Variants in HYCC2 observed in about 807,000 individuals in gnomAD.
The protein encoded by HYCC2 is hyccin PI4KA lipid kinase complex subunit 2.
At chr2:201,036,110 A>G in the HYCC2 span, among the ~76,000 whole-genome samples, 1 of 152,176 alleles carries the variant, frequency 6.6e-6, no homozygotes, top group African/African-American at 2.4e-5. Flanking sequence ...GAATATTATA[A>G]ACACCTCTAC....
At chr2:200,998,102 T>C in the HYCC2 span, among the ~76,000 whole-genome samples, 1 of 152,222 alleles carries the variant, frequency 6.6e-6, no homozygotes, top group Non-Finnish European at 1.5e-5. Flanking sequence ...TCTACCATCT[T>C]CCTACTGACT....
the HYCC2 span, among the ~76,000 whole-genome samples, chr2:201,032,669 CT>C: frequency 1.3e-5 from 2 of 151,076 alleles, no homozygotes; most frequent in Admixed American, 6.6e-5. Context: ...AAATTAAGAA[CT>C]TTTTTTTTAG....
At chr2:201,015,482 C>A in the HYCC2 span, among the ~76,000 whole-genome samples, 7 of 152,110 alleles carry the variant, frequency 4.6e-5, no homozygotes, top group Non-Finnish European at 1.0e-4. Flanking sequence ...GATGTCCTCC[C>A]CTCAGAGAAA....
the HYCC2 span, among the ~76,000 whole-genome samples, chr2:201,013,446 C>T: frequency 2.1e-5 from 3 of 145,190 alleles, no homozygotes; most frequent in East Asian, 2.0e-4. Flanking sequence ...TCAGCCTAGG[C>T]GACAGCTGAG....
the HYCC2 span, chr2:200,988,573 G>A: frequency 3.9e-6 from 2 of 517,934 alleles, no homozygotes; most frequent in Non-Finnish European, 6.4e-6. Context: ...TTTTAAGCAG[G>A]CTTTTCAAAT....
At chr2:200,976,772 T>C in the HYCC2 span, 4 of 152,286 alleles carry the variant, frequency 2.6e-5, no homozygotes, top group South Asian at 6.2e-4. Context: ...CTTCACACTA[T>C]AGAACCTTTT....
chr2:201,032,621 G>A, the HYCC2 span, among the ~76,000 whole-genome samples: 15 of 152,052 alleles, frequency 9.9e-5, no homozygotes, highest in Admixed American at 2.0e-4. Context: ...ATTGAGATTC[G>A]CTTCCATTAT....
chr2:201,059,450 T>C, the HYCC2 span, among the ~76,000 whole-genome samples: 1 of 152,158 alleles, frequency 6.6e-6, no homozygotes, highest in African/African-American at 2.4e-5. Flanking sequence ...CAGGGGCATA[T>C]AAGTGAGATT....
the HYCC2 span, chr2:201,016,854 C>T: frequency 2.5e-6 from 2 of 785,274 alleles, no homozygotes; most frequent in African/African-American, 1.8e-5. Flanking sequence ...CCTGCCTTGG[C>T]CTCCCAAAAA....
the HYCC2 span, chr2:200,992,143 G>T: frequency 4.3e-4 from 252 of 589,986 alleles, 1 homozygote; most frequent in East Asian, 7.3e-3. Flanking sequence ...AACCTATTTT[G>T]TTTTTTCTCT....
At chr2:201,042,268 C>T in the HYCC2 span, among the ~76,000 whole-genome samples, 1 of 152,214 alleles carries the variant, frequency 6.6e-6, no homozygotes, top group Non-Finnish European at 1.5e-5. Context: ...CTCAATGTTG[C>T]CCAGGCTGGA....
chr2:201,029,785 G>T, the HYCC2 span, among the ~76,000 whole-genome samples: 1 of 152,266 alleles, frequency 6.6e-6, no homozygotes, highest in South Asian at 2.1e-4. Context: ...GTCATGAGGT[G>T]GGGGGATGGG....
chr2:201,037,749 G>C, the HYCC2 span, among the ~76,000 whole-genome samples: 2 of 152,122 alleles, frequency 1.3e-5, no homozygotes, highest in African/African-American at 2.4e-5. Context: ...ATTCAAGATG[G>C]ATTAAAGACT....
the HYCC2 span, among the ~76,000 whole-genome samples, chr2:201,057,043 G>A: frequency 6.6e-6 from 1 of 152,224 alleles, no homozygotes; most frequent in Non-Finnish European, 1.5e-5. Context: ...TGCTTCTGAA[G>A]AGAGCTATGC....
chr2:201,063,023 C>T, the HYCC2 span: 1 of 1,575,528 alleles, frequency 6.3e-7, no homozygotes, highest in Non-Finnish European at 8.7e-7. Context: ...TAATAAAAAT[C>T]TTCTCCTTTC....
At chr2:201,047,279 T>G in the HYCC2 span, among the ~76,000 whole-genome samples, 2 of 150,742 alleles carry the variant, frequency 1.3e-5, no homozygotes, top group Non-Finnish European at 3.0e-5. Flanking sequence ...ATGAGTAAAC[T>G]AGAAGACAAA....
At chr2:200,973,759 A>T in the HYCC2 span, 1 of 152,174 alleles carries the variant, frequency 6.6e-6, no homozygotes, top group South Asian at 2.1e-4. Flanking sequence ...TATACTGTAC[A>T]AAAAAATTTA....
At chr2:200,991,857 T>C in the HYCC2 span, among the ~76,000 whole-genome samples, 7 of 151,934 alleles carry the variant, frequency 4.6e-5, no homozygotes, top group African/African-American at 1.7e-4. Context: ...AGAAAGACCC[T>C]GTCCCTATAA....
the HYCC2 span, among the ~76,000 whole-genome samples, chr2:201,016,470 G>A: frequency 6.6e-6 from 1 of 152,122 alleles, no homozygotes; most frequent in African/African-American, 2.4e-5. Flanking sequence ...TTATAGAGAC[G>A]AGGTTTGGCC....
Sources: allele counts gnomAD v4.1 joint callset (sites outside exome capture counted in the v4.1 genomes callset), GRCh38; gene constraint gnomAD v4.1.1; transcripts MANE v1.5; gene names NCBI Gene and HGNC (gene_info 2026-07-23, HGNC 2026-07-21).